PRKAG2: variants seen among roughly 807,000 people sequenced by gnomAD.
PRKAG2 encodes the protein 5'-AMP-activated protein kinase subunit gamma-2.
In PRKAG2, 26 loss-of-function variants were observed where a neutral mutation model predicts 69.6. That is an observed-to-expected ratio of 0.37 (90% CI 0.27 to 0.52). PRKAG2 has a LOEUF of 0.52. Among genes scored for constraint, PRKAG2 ranks in the 20% least tolerant of loss-of-function variants. PRKAG2 has a pLI of 0.90. For synonymous variants in PRKAG2, 293 were observed against 285.0 expected (o/e 1.03, Z -0.28); for missense variants, 557 against 740.0 (o/e 0.75, Z 2.87).
intron 6 of PRKAG2, among the ~76,000 whole-genome samples, chr7:151,587,621 A>T (rs1473033560): frequency 6.6e-6 from 1 of 152,182 alleles, no homozygotes; most frequent in African/African-American, 2.4e-5. Flanking sequence ...CCAAAGCCAC[A>T]TGCCCAGTCT....
At chr7:151,667,625 T>C (rs770961746) in intron 4 of PRKAG2, among the ~76,000 whole-genome samples, 8 of 152,328 alleles carry the variant, frequency 5.3e-5, no homozygotes, top group Non-Finnish European at 7.3e-5. Context: ...CTACCTTGGA[T>C]AGGAGGAACT....
intron 3 of PRKAG2, among the ~76,000 whole-genome samples, chr7:151,769,600 C>T (rs2075916255): frequency 6.6e-6 from 1 of 152,230 alleles, no homozygotes. Context: ...GTCCTGCTGA[C>T]ACCCTGATTC....
At chr7:151,816,332 T>C (rs1212632993) in intron 1 of PRKAG2, among the ~76,000 whole-genome samples, 1 of 152,088 alleles carries the variant, frequency 6.6e-6, no homozygotes. Context: ...AACTGTTTTT[T>C]GTTTTTTTTT....
intron 1 of PRKAG2, among the ~76,000 whole-genome samples, chr7:151,842,569 AGGTAGTGAT>A (rs1273930546): frequency 1.9e-4 from 26 of 138,150 alleles, no homozygotes; most frequent in African/African-American, 6.1e-4. Flanking sequence ...TAGTGATGGT[AGGTAGTGAT>A]GGTAGTGATG....
At chr7:151,855,130 C>A (rs1449524313) in intron 1 of PRKAG2, among the ~76,000 whole-genome samples, 1 of 52,936 alleles carries the variant, frequency 1.9e-5, no homozygotes, top group Non-Finnish European at 3.4e-5. Flanking sequence ...ACACCATCCT[C>A]CACACACACC....
intron 14 of PRKAG2, 114 bp from the exon 15 acceptor site, chr7:151,560,731 G>A: frequency 7.3e-7 from 1 of 1,362,662 alleles, no homozygotes; most frequent in South Asian, 1.2e-5. Context: ...CCTCCAGCCT[G>A]GGGAATAGCA....
chr7:151,683,142 T>C (rs1404630593), intron 3 of PRKAG2, among the ~76,000 whole-genome samples: 1 of 152,252 alleles, frequency 6.6e-6, no homozygotes, highest in African/African-American at 2.4e-5. Flanking sequence ...GAACAGAAAC[T>C]GCTCCTGGCA....
chr7:151,829,328 A>T (rs935635982), intron 1 of PRKAG2, among the ~76,000 whole-genome samples: 1 of 152,218 alleles, frequency 6.6e-6, no homozygotes, highest in Non-Finnish European at 1.5e-5. Flanking sequence ...ACCACTTCAC[A>T]CCCACTGGGA....
At chr7:151,681,567 T>C (rs1234114143) in intron 3 of PRKAG2, among the ~76,000 whole-genome samples, 1 of 151,526 alleles carries the variant, frequency 6.6e-6, no homozygotes, top group African/African-American at 2.4e-5. Flanking sequence ...GGGGGTAGAG[T>C]CTTGCAGCAT....
intron 1 of PRKAG2, among the ~76,000 whole-genome samples, chr7:151,840,412 C>T (rs748184870): frequency 6.6e-6 from 1 of 152,184 alleles, no homozygotes; most frequent in Non-Finnish European, 1.5e-5. Context: ...GATGAGGTCT[C>T]GCTCTGTCAT....
In PRKAG2 at chr7:151,836,487, A is replaced by C. The variant is rs2079150063; in HGVS notation, c.114+40020T>G. 6.6e-6 allele frequency among the ~76,000 whole-genome samples: 1 copy of C among 152,242 alleles called. No individual in the cohort carries two copies. Among genetic ancestry groups the C allele is most frequent in the African/African-American group, 2.4e-5 (1 of 41,470 alleles). ...TCACTCAGTCACCAAAACAAGAAAC[A>C]AAAACAACAACAACAACAAAGGCAA... On this transcript the variant is annotated intron_variant, in intron 1 of 15. Coordinates refer to ENST00000287878, the MANE Select transcript of PRKAG2 (RefSeq NM_016203.4). This position sits in a 1 kb window ranked among gnomAD's most constrained non-coding sequence, Gnocchi z 4.1.
Position 151,846,393 on chromosome 7 carries a change from G to T in PRKAG2, c.114+30114C>A, listed in dbSNP as rs184903686. On this transcript the variant is annotated intron_variant, in intron 1 of 15. Coordinates refer to ENST00000287878, the MANE Select transcript of PRKAG2 (RefSeq NM_016203.4). ...TGAGGCAGGAGAATCACTTGAAACC[G>T]GTAGGCAGAGGTTGCGGTGAGCCAA... Among the ~76,000 whole-genome samples the T allele has an allele frequency of 1.1e-3, 169 of 152,228 alleles. 1 individual carries two copies. Among genetic ancestry groups the T allele is most frequent in the African/African-American group, 3.9e-3 (161 of 41,542 alleles).
chr7:151,577,226 T>C (rs912708434), intron 6 of PRKAG2, among the ~76,000 whole-genome samples: 1 of 152,184 alleles, frequency 6.6e-6, no homozygotes, highest in Non-Finnish European at 1.5e-5. Context: ...GTATGAAAGA[T>C]ACAATATATT....
chr7:151,725,560 G>GAA (rs1019164782), intron 3 of PRKAG2, among the ~76,000 whole-genome samples: 3 of 125,970 alleles, frequency 2.4e-5, no homozygotes, highest in Non-Finnish European at 1.7e-5. Context: ...CCGCAGTGAA[G>GAA]AAAAAAAAAA....
chr7:151,659,434 A>T (rs1829978107), intron 4 of PRKAG2, among the ~76,000 whole-genome samples: 1 of 152,196 alleles, frequency 6.6e-6, no homozygotes, highest in Non-Finnish European at 1.5e-5. Context: ...TGGTTCTAAA[A>T]GCCCTTTGTA....
intron 6 of PRKAG2, among the ~76,000 whole-genome samples, chr7:151,577,224 G>A (rs1809170647): frequency 6.6e-6 from 1 of 152,056 alleles, no homozygotes; most frequent in African/African-American, 2.4e-5. Flanking sequence ...AGGTATGAAA[G>A]ATACAATATA....
intron 3 of PRKAG2, among the ~76,000 whole-genome samples, chr7:151,740,449 G>C (rs1021359942): frequency 1.3e-5 from 2 of 152,194 alleles, no homozygotes; most frequent in African/African-American, 4.8e-5. Context: ...CAGTCCTAGG[G>C]GGTTCCTGGC....
chr7:151,686,371 C>A (rs539797918), intron 3 of PRKAG2, among the ~76,000 whole-genome samples: 6 of 152,324 alleles, frequency 3.9e-5, no homozygotes, highest in Admixed American at 2.6e-4. Context: ...CCGAGTGCCT[C>A]CATCCTGTCT....
intron 1 of PRKAG2, among the ~76,000 whole-genome samples, chr7:151,865,649 T>C (rs1359834486): frequency 6.6e-6 from 1 of 152,194 alleles, no homozygotes; most frequent in Non-Finnish European, 1.5e-5. Flanking sequence ...CCGAGTGTAG[T>C]GTTCATTCTA....
Sources: allele counts gnomAD v4.1 joint callset (sites outside exome capture counted in the v4.1 genomes callset), GRCh38; gene constraint gnomAD v4.1.1; non-coding constraint Gnocchi (gnomAD v3.1); transcripts MANE v1.5; gene names NCBI Gene and HGNC (gene_info 2026-07-23, HGNC 2026-07-21).